The following SNIP1 variants were observed in gnomAD, a reference collection of about 807,000 sequenced individuals.
SNIP1 encodes the protein smad nuclear-interacting protein 1.
SNIP1 carries 23 observed loss-of-function variants against 37.4 expected under a neutral mutation model. That is an observed-to-expected ratio of 0.61 (90% CI 0.44 to 0.87). The LOEUF (loss-of-function observed/expected upper bound fraction) is 0.87, where lower values mean the gene tolerates loss of function less well. Ranked by LOEUF, SNIP1 falls within the 40% of genes least tolerant of loss-of-function variation. The probability of loss-of-function intolerance (pLI) is 0.00; values close to 1 mark genes in which losing one functional copy is unlikely to be tolerated. For missense variants in SNIP1, 459 were observed against 540.4 expected, an observed-to-expected ratio of 0.85 and a Z score of 1.49; for synonymous variants, 174 against 200.0, an observed-to-expected ratio of 0.87 and a Z score of 1.10.
intron 2 of SNIP1, 109 bp downstream of exon 2, chr1:37,552,536 G>T: frequency 1.2e-6 from 1 of 860,032 alleles, no homozygotes. Flanking sequence ...ATGTAGGCGA[G>T]CGTACGTGCA....
intron 2 of SNIP1, among the ~76,000 whole-genome samples, chr1:37,551,726 A>G (rs1643304124): frequency 1.3e-5 from 2 of 152,182 alleles, no homozygotes; most frequent in Admixed American, 1.3e-4. Context: ...CCATAACTAC[A>G]AGAAAATGAA....
Position 37,540,786 on chromosome 1 carries a change from C to T in SNIP1, c.328-31G>A, listed in dbSNP as rs201688216. 87 of 1,546,056 alleles carry T rather than the reference C, an allele frequency of 5.6e-5. No individual in the cohort carries two copies. The highest frequency in any genetic ancestry group is 1.7e-4 in the Middle Eastern group (1 of 5,796). ...ATTCAAACAGATTCTGTAATTTAAA[C>T]GCAGTGCACAATCTAAAGGCAGCCC... On this transcript the variant is annotated intron_variant, in intron 2 of 3. Coordinates refer to ENST00000296215, the MANE Select transcript of SNIP1 (RefSeq NM_024700.4). The surrounding 1 kb of genome is among the most constrained non-coding windows in gnomAD (Gnocchi z 5.6).
rs369968093 is a variant in SNIP1 at position 37,545,083 on chromosome 1, GAATCAGTCACTACTGGA to G, written c.328-4345_328-4329del. 1,042 of 747,340 alleles carry G rather than the reference GAATCAGTCACTACTGGA, an allele frequency of 1.4e-3. 7 individuals carry two copies. In the African/African-American group the frequency reaches 0.016, roughly 12 times the overall value. The allele number at this position is 747,340 out of a possible 1,614,324, so 46.3% of individuals were successfully genotyped here. The stretch of plus-strand genomic sequence containing the variant: ...ATGCATTACATTTGGAAAAACTTGG[GAATCAGTCACTACTGGA>G]ACTGCACAAACTGGCCACCGACAAA... On this transcript the variant is annotated intron_variant, in intron 2 of 3. Coordinates refer to ENST00000296215, the MANE Select transcript of SNIP1 (RefSeq NM_024700.4).
rs1245102497 is a variant in SNIP1 at position 37,540,328 on chromosome 1, G to A, written c.755C>T (p.Ala252Val). The change falls in exon 3 of 4, where the codon GCA (alanine) becomes GTA (valine). Residue 252 changes from alanine (A) to valine (V), a missense_variant. By Grantham distance (64) the Ala-to-Val change is moderately conservative. Transcript: ENST00000296215. The surrounding 1 kb of genome is among the most constrained non-coding windows in gnomAD (Gnocchi z 5.6). ...ACGCCACCGTTTTTTGGGGATACGT[G>A]CTTCTGGGGGCTCACTATATTTAAT... is the stretch of plus-strand genomic sequence containing the variant. Reference protein sequence around the residue: ...VVIKYSEPPEARIPKKRWRLY... With the variant: ...VVIKYSEPPEVRIPKKRWRLY... The A allele has an allele frequency of 6.2e-7, 1 of 1,614,156 alleles. No individual in the cohort carries two copies. Among genetic ancestry groups the A allele is most frequent in the Non-Finnish European group, 8.5e-7 (1 of 1,180,036 alleles).
chr1:37,537,769 C>T lies in SNIP1; in HGVS notation c.1170G>A (p.Glu390=). 6.2e-7 allele frequency: 1 copy of T among 1,608,892 alleles called. No individual in the cohort carries two copies. Among genetic ancestry groups the T allele is most frequent in the Non-Finnish European group, 8.5e-7 (1 of 1,176,854 alleles). Residue 390 remains glutamate, a synonymous_variant, in exon 4 of 4, where the codon GAG becomes GAA. Coordinates refer to ENST00000296215, the MANE Select transcript of SNIP1 (RefSeq NM_024700.4). ...TTTGCTAGCTGTCAGACACTTCTTC[C>T]TCCTCCTCCTCATCCTCGTCATCTT... ...DRKDDEDEEE[E]EEVSDS is the part of the protein sequence containing the mutation.
At chr1:37,544,969 G>C (rs923587828) in intron 2 of SNIP1, 1 of 784,758 alleles carries the variant, frequency 1.3e-6, no homozygotes, top group Non-Finnish European at 2.3e-6. Context: ...TGAAGCTGCA[G>C]AACCAATGAG....
Position 37,536,325 on chromosome 1 carries a change from T to A in SNIP1, c.*1423A>T, listed in dbSNP as rs1643093858. On this transcript the variant is annotated 3_prime_UTR_variant, in exon 4 of 4. Transcript: ENST00000296215. Reference sequence around the variant, plus strand: ...AGGAACAATTAGTAGTAACACTGATTGAGCTGCTTCACCACCTTTCCCCAC... The same window carrying A: ...AGGAACAATTAGTAGTAACACTGATAGAGCTGCTTCACCACCTTTCCCCAC... 6.6e-6 allele frequency: 1 copy of A among 152,178 alleles called. No individual in the cohort carries two copies. Among genetic ancestry groups the A allele is most frequent in the Non-Finnish European group, 1.5e-5 (1 of 68,032 alleles). 9.4% of individuals were successfully genotyped at this position (152,178 alleles called of 1,614,324 possible).
intron 2 of SNIP1, chr1:37,549,025 A>T (rs1400529641): frequency 6.6e-6 from 1 of 151,992 alleles, no homozygotes; most frequent in Non-Finnish European, 1.5e-5. Context: ...ATGCATTCAG[A>T]TTGTAAAGGA....
At position 37,554,022 on chromosome 1, in the gene SNIP1, C is replaced by A; in HGVS notation, c.208G>T (p.Ala70Ser). ...PARSGHRGNR[A>S]RGVSRSPPKK... is the part of the protein sequence containing the mutation. ...CCCACTTACCGGCTAACTCCTCGGG[C>A]TCGGTTCCCGCGGTGGCCCGAGCGG... Residue 70 changes from alanine (A) to serine (S), a missense_variant, in exon 1 of 4, where the codon GCC (alanine) becomes TCC (serine). Transcript: ENST00000296215. The A allele has an allele frequency of 6.4e-7, 1 of 1,570,678 alleles. No homozygotes were observed. Among genetic ancestry groups the A allele is most frequent in the Admixed American group, 1.9e-5 (1 of 53,278 alleles).
intron 3 of SNIP1, among the ~76,000 whole-genome samples, chr1:37,538,580 G>A (rs1255674651): frequency 1.3e-5 from 2 of 151,708 alleles, no homozygotes; most frequent in African/African-American, 2.4e-5. Context: ...AGATCAAAAG[G>A]TGGAAATGCA....
In SNIP1 at chr1:37,552,759, A is replaced by G. The variant is rs1557629655; in HGVS notation, c.225-12T>C. ...TTTTGGGTGGGGACCTATTCAGAGC[A>G]TGGTACACAGGATTTTATCGCAATT... On this transcript the variant is annotated splice_polypyrimidine_tract_variant and intron_variant, in intron 1 of 3. Transcript: ENST00000296215. The G allele has an allele frequency of 1.9e-6, 3 of 1,607,024 alleles. No individual in the cohort carries two copies. Among genetic ancestry groups the G allele is most frequent in the Non-Finnish European group, 2.6e-6 (3 of 1,173,680 alleles).
At chr1:37,542,552 C>T (rs1401273898) in intron 2 of SNIP1, among the ~76,000 whole-genome samples, 2 of 151,770 alleles carry the variant, frequency 1.3e-5, no homozygotes, top group Admixed American at 1.3e-4. Flanking sequence ...CCAGCCTGGG[C>T]AACATGGCGA....
At position 37,536,661 on chromosome 1, in the gene SNIP1, C is replaced by T. The variant is rs1643098759; in HGVS notation, c.*1087G>A. The T allele has an allele frequency of 6.6e-6, 1 of 152,452 alleles. No homozygotes were observed. The allele number at this position is 152,452 out of a possible 1,614,324, so 9.4% of individuals were successfully genotyped here. ...GAAAATCAGTATCAGCTCTTTAACA[C>T]ACAATTTACATATATACATACATAC... On this transcript the variant is annotated 3_prime_UTR_variant, in exon 4 of 4. Transcript: ENST00000296215.
chr1:37,535,861 T>C lies in SNIP1; in HGVS notation c.*1887A>G. 1 of 150,858 alleles carries C rather than the reference T, an allele frequency of 6.6e-6. No homozygotes were observed. The highest frequency in any genetic ancestry group is 2.1e-4 in the South Asian group (1 of 4,782). The allele number at this position is 150,858 out of a possible 1,614,324, so 9.3% of individuals were successfully genotyped here. On this transcript the variant is annotated 3_prime_UTR_variant, in exon 4 of 4. Transcript: ENST00000296215. ...AGTCTCGCTGTCACCCAGGCTGGAG[T>C]GCAGTGGCACAATCTCAGCTCGCTG... is the stretch of plus-strand genomic sequence containing the variant.
rs1280491819 is a variant in SNIP1, at chr1:37,540,589, C to T, written c.494G>A (p.Arg165Gln). The T allele has an allele frequency of 1.2e-6, 2 of 1,614,090 alleles. No homozygotes were observed. The highest frequency in any genetic ancestry group is 2.2e-5 in the East Asian group (1 of 44,878). The change falls in exon 3 of 4, where the codon CGG (arginine) becomes CAG (glutamine). Residue 165 changes from arginine to glutamine, a missense_variant. Physicochemically the swap from Arg to Gln is conservative, Grantham distance 43. Coordinates refer to ENST00000296215, the MANE Select transcript of SNIP1 (RefSeq NM_024700.4). This position sits in a 1 kb window ranked among gnomAD's most constrained non-coding sequence, Gnocchi z 5.6. ...CTGCAGGTTCTGAGTGTCTCGATCC[C>T]GTCCCTGACCCTGCCCACTCCCAGG... is the stretch of plus-strand genomic sequence containing the variant. ...ERPGSGQGQG[R>Q]DRDTQNLQAQ...
At chr1:37,548,032 G>T (rs919274451) in intron 2 of SNIP1, among the ~76,000 whole-genome samples, 1 of 150,262 alleles carries the variant, frequency 6.7e-6, no homozygotes, top group African/African-American at 2.4e-5. Flanking sequence ...GGCGCCTGTA[G>T]TCCCAGCTAC....
chr1:37,554,104 G>T lies in SNIP1; in HGVS notation c.126C>A (p.Ala42=), dbSNP rs1394648798. The T allele has an allele frequency of 6.2e-7, 1 of 1,611,972 alleles. No individual in the cohort carries two copies. Among genetic ancestry groups the T allele is most frequent in the South Asian group, 1.1e-5 (1 of 90,802 alleles). ...CACCGGAGTGGTCCGGACGGCGGTGGGCGGGAGGTGCGACTTCTGGGCTGA... is the reference window on the plus strand; with the variant it reads ...CACCGGAGTGGTCCGGACGGCGGTGTGCGGGAGGTGCGACTTCTGGGCTGA... ...ERLSPEVAPP[A]HRRPDHSGGS... The change falls in exon 1 of 4, where the codon GCC becomes GCA. Residue 42 remains alanine (A), a synonymous_variant. Coordinates refer to ENST00000296215, the MANE Select transcript of SNIP1 (RefSeq NM_024700.4).
In SNIP1 at chr1:37,537,841, T is replaced by G; in HGVS notation, c.1098A>C (p.Glu366Asp). 1 of 1,614,244 alleles carries G rather than the reference T, an allele frequency of 6.2e-7. No homozygotes were observed. The highest frequency in any genetic ancestry group is 8.5e-7 in the Non-Finnish European group (1 of 1,180,026). Residue 366 changes from glutamate to aspartate, a missense_variant, in exon 4 of 4, where the codon GAA becomes GAC. Coordinates refer to ENST00000296215, the MANE Select transcript of SNIP1 (RefSeq NM_024700.4). ...DVLKFGFSSR[E>D]YVLLHESSDT... ...CCGACGACTCATGGAGCAAGACGTA[T>G]TCTCTGCTACTGAATCCAAATTTGA...
Position 37,537,829 on chromosome 1 carries a change from G to A in SNIP1, c.1110C>T (p.Leu370=). Residue 370 remains leucine (L), a synonymous_variant, in exon 4 of 4, where the codon CTC becomes CTT. Transcript: ENST00000296215. ...FGFSSREYVL[L]HESSDTSEID... Reference sequence around the variant, plus strand: ...TTTCAGAAGTGTCCGACGACTCATGGAGCAAGACGTATTCTCTGCTACTGA... The same window carrying A: ...TTTCAGAAGTGTCCGACGACTCATGAAGCAAGACGTATTCTCTGCTACTGA... 5.0e-6 allele frequency: 8 copies of A among 1,614,180 alleles called. No homozygotes were observed. Among genetic ancestry groups the A allele is most frequent in the Non-Finnish European group, 4.2e-6 (5 of 1,180,030 alleles).
Sources: allele counts gnomAD v4.1 joint callset (sites outside exome capture counted in the v4.1 genomes callset), GRCh38; gene constraint gnomAD v4.1.1; non-coding constraint Gnocchi (gnomAD v3.1); transcripts MANE v1.5; gene names NCBI Gene and HGNC (gene_info 2026-07-23, HGNC 2026-07-21).